PYGB: variants seen among roughly 807,000 people sequenced by gnomAD.
The protein encoded by PYGB is glycogen phosphorylase, brain form.
Under a neutral mutation model 94.3 loss-of-function variants are expected in PYGB, and 82 were observed. That is an observed-to-expected ratio of 0.87 (90% CI 0.73 to 1.04). The LOEUF (loss-of-function observed/expected upper bound fraction) is 1.04, where lower values mean the gene tolerates loss of function less well. Ranked by LOEUF, PYGB falls within the 50% of genes least tolerant of loss-of-function variation. PYGB has a pLI of 0.00. For synonymous variants in PYGB, 488 were observed against 479.1 expected (o/e 1.02, Z -0.24); for missense variants, 1,132 against 1,158.2 (o/e 0.98, Z 0.33).
chr20:25,262,671 T>TCA (rs2092916248), intron 2 of PYGB, among the ~76,000 whole-genome samples: 1 of 144,786 alleles, frequency 6.9e-6, no homozygotes, highest in African/African-American at 2.8e-5. Context: ...CATTTTGACT[T>TCA]GACTGGATAA....
At chr20:25,274,843 T>A (rs2088296979) in intron 5 of PYGB, 120 bp downstream of exon 5, 1 of 1,425,648 alleles carries the variant, frequency 7.0e-7, no homozygotes, top group East Asian at 2.3e-5. Context: ...CTGGAGGACT[T>A]AAGGTAAAAG....
At chr20:25,292,330 T>C in intron 16 of PYGB, 76 bp from the exon 17 acceptor site, 1 of 1,531,256 alleles carries the variant, frequency 6.5e-7, no homozygotes, top group Non-Finnish European at 8.9e-7. Flanking sequence ...ATGGGCCGGC[T>C]TGTCCTGCAG....
At chr20:25,292,245 G>T (rs1257346979) in intron 16 of PYGB, among the ~76,000 whole-genome samples, 161 bp from the exon 17 acceptor site, 1 of 135,410 alleles carries the variant, frequency 7.4e-6, no homozygotes, top group African/African-American at 2.7e-5. Context: ...GTCCAGCCTG[G>T]GCCCCTGTGG....
intron 1 of PYGB, 71 bp downstream of exon 1, chr20:25,248,492 G>C (rs1367634188): frequency 1.6e-6 from 2 of 1,287,454 alleles, no homozygotes; most frequent in South Asian, 2.4e-5. Flanking sequence ...GCGCCAGCGG[G>C]GGTCTCTGCG....
intron 5 of PYGB, 94 bp downstream of exon 5, chr20:25,274,817 G>T (rs1240739550): frequency 6.6e-7 from 1 of 1,506,522 alleles, no homozygotes; most frequent in African/African-American, 1.4e-5. Context: ...TTTGGCTTGG[G>T]GGGCTTGCTG....
At chr20:25,266,813 G>A (rs1118963) in intron 2 of PYGB, among the ~76,000 whole-genome samples, 59,494 of 152,072 alleles carry the variant, frequency 0.39, 13,065 homozygotes, top group East Asian at 0.92. Context: ...ATGAGACGCC[G>A]CTGTATTCCC....
chr20:25,262,071 G>T (rs1450690107), intron 2 of PYGB, among the ~76,000 whole-genome samples: 3 of 152,266 alleles, frequency 2.0e-5, no homozygotes, highest in African/African-American at 4.8e-5. Context: ...TATTATCCAG[G>T]AGAACTTCCC....
chr20:25,274,660 T>G lies in PYGB; in HGVS notation c.597T>G (p.Leu199=), dbSNP rs756097079. Reference sequence around the variant, plus strand: ...AGAAAGCGCGGCCTGAGTATATGCTTCCCGTGCACTTCTACGGACGCGTGG... The same window carrying G: ...AGAAAGCGCGGCCTGAGTATATGCTGCCCGTGCACTTCTACGGACGCGTGG... ...PWEKARPEYM[L]PVHFYGRVEH... Residue 199 remains leucine (L), a synonymous_variant, in exon 5 of 20, where the codon CTT becomes CTG. Transcript: ENST00000216962. 6.2e-7 allele frequency: 1 copy of G among 1,613,850 alleles called. No individual in the cohort carries two copies. Among genetic ancestry groups the G allele is most frequent in the South Asian group, 1.1e-5 (1 of 91,082 alleles).
intron 13 of PYGB, 48 bp from the exon 14 acceptor site, chr20:25,284,056 T>C (rs200763088): frequency 2.1e-4 from 335 of 1,602,388 alleles, no homozygotes; most frequent in Non-Finnish European, 2.7e-4. Context: ...GGTCAGTGGA[T>C]GGAGTCCTGG....
At chr20:25,263,112 G>A (rs564953683) in intron 2 of PYGB, among the ~76,000 whole-genome samples, 11 of 152,162 alleles carry the variant, frequency 7.2e-5, no homozygotes, top group South Asian at 2.1e-4. Context: ...TGCACCAAGC[G>A]GACCTAATAG....
intron 15 of PYGB, among the ~76,000 whole-genome samples, chr20:25,288,866 C>T (rs540425954): frequency 2.6e-5 from 4 of 152,340 alleles, no homozygotes; most frequent in African/African-American, 9.6e-5. Context: ...ATGACACATA[C>T]TTTCAGAGTC....
chr20:25,258,213 T>G (rs1396286906), intron 1 of PYGB, among the ~76,000 whole-genome samples: 1 of 152,248 alleles, frequency 6.6e-6, no homozygotes, highest in African/African-American at 2.4e-5. Context: ...AAAAACTTTA[T>G]GGACCTCACC....
rs2228977 is a variant in PYGB at position 25,283,259 on chromosome 20, C to A, written c.1602C>A (p.Asp534Glu). The A allele has an allele frequency of 2.5e-6, 4 of 1,613,588 alleles. No individual in the cohort carries two copies. Among genetic ancestry groups the A allele is most frequent in the Non-Finnish European group, 3.4e-6 (4 of 1,179,750 alleles). The change falls in exon 13 of 20, where the codon GAC (aspartate) becomes GAA (glutamate). Residue 534 changes from aspartate to glutamate, a missense_variant. Asp to Glu is a conservative substitution (Grantham distance 45, BLOSUM62 2). Transcript: ENST00000216962. ...TCAGTGACGAGGTGTTCATCAGGGA[C>A]GTGGCCAAGGTCAAACAGGTAGGCA... The part of the protein sequence containing the change: ...PLVSDEVFIR[D>E]VAKVKQENKL...
Position 25,296,612 on chromosome 20 carries a change from G to A in PYGB, c.*90G>A. On this transcript the variant is annotated 3_prime_UTR_variant, in exon 20 of 20. Coordinates refer to ENST00000216962, the MANE Select transcript of PYGB (RefSeq NM_002862.4). ...TCCCCAAACACTTTGCCAGCCACTG[G>A]TGGTCCCTGCTTTTCTGAGTACCAT... 6.8e-7 allele frequency: 1 copy of A among 1,474,046 alleles called. No homozygotes were observed. The highest frequency in any genetic ancestry group is 1.4e-5 in the African/African-American group (1 of 71,916). 91.3% of individuals were successfully genotyped at this position (1,474,046 alleles called of 1,614,324 possible). A position where few individuals can be genotyped will look rare whatever the true frequency, so the allele number is the denominator to read the frequency against.
At chr20:25,286,859 C>T (rs1477353459) in intron 14 of PYGB, among the ~76,000 whole-genome samples, 1 of 152,230 alleles carries the variant, frequency 6.6e-6, no homozygotes, top group Non-Finnish European at 1.5e-5. Flanking sequence ...CCCACTGTGA[C>T]CTGGGGTTTG....
At chr20:25,286,025 C>T (rs1279107444) in intron 14 of PYGB, among the ~76,000 whole-genome samples, 2 of 152,226 alleles carry the variant, frequency 1.3e-5, no homozygotes, top group South Asian at 4.1e-4. Context: ...CTTTTTAGGG[C>T]CCTACCGGGC....
At chr20:25,275,378 G>A (rs969335299) in intron 5 of PYGB, among the ~76,000 whole-genome samples, 15 of 152,248 alleles carry the variant, frequency 9.9e-5, no homozygotes, top group Non-Finnish European at 1.3e-4. Context: ...GCTGTAAGCC[G>A]GGATGACTGG....
intron 5 of PYGB, among the ~76,000 whole-genome samples, chr20:25,275,028 C>T (rs560801400): frequency 6.6e-6 from 1 of 152,346 alleles, no homozygotes; most frequent in African/African-American, 2.4e-5. Context: ...CAGATGCTCA[C>T]GAGAACCCCG....
At chr20:25,286,378 G>A (rs1186877279) in intron 14 of PYGB, among the ~76,000 whole-genome samples, 3 of 152,078 alleles carry the variant, frequency 2.0e-5, no homozygotes, top group African/African-American at 4.8e-5. Context: ...CTCTCCTCCC[G>A]TGCCCTCTGC....
Sources: gnomAD v4.1 joint callset for allele counts (sites outside exome capture counted in the v4.1 genomes callset) on GRCh38, gnomAD v4.1.1 for gene constraint, MANE v1.5 for transcripts, NCBI Gene and HGNC (gene_info 2026-07-23, HGNC 2026-07-21) for gene names.